P2RX7: variants seen among roughly 807,000 people sequenced by gnomAD.
The protein encoded by P2RX7 is purinergic receptor P2X 7.
Under a neutral mutation model 71.6 loss-of-function variants are expected in P2RX7, and 62 were observed. The ratio of observed to expected loss-of-function variants is 0.87; its 90% CI spans 0.71 to 1.07. The LOEUF (loss-of-function observed/expected upper bound fraction) is 1.07. Ranked by LOEUF, P2RX7 falls within the 50% of genes least tolerant of loss-of-function variation. The probability of loss-of-function intolerance (pLI) is 0.00; values close to 1 mark genes in which losing one functional copy is unlikely to be tolerated. For missense variants in P2RX7, 686 were observed against 748.5 expected (o/e 0.92, Z 0.97); for synonymous variants, 299 against 283.3 (o/e 1.06, Z -0.56).
At chr12:121,178,184 C>A (rs796720009) in intron 11 of P2RX7, among the ~76,000 whole-genome samples, 3 of 152,196 alleles carry the variant, frequency 2.0e-5, no homozygotes, top group South Asian at 2.1e-4. Context: ...ACATGAGTAC[C>A]CGCAGTACAT....
At chr12:121,164,554 G>A (rs538789756) in intron 5 of P2RX7, among the ~76,000 whole-genome samples, 1 of 152,312 alleles carries the variant, frequency 6.6e-6, no homozygotes, top group South Asian at 2.1e-4. Flanking sequence ...GCTGAGGCAG[G>A]CGGATCACTT....
chr12:121,151,935 C>T (rs1320386956), intron 1 of P2RX7, among the ~76,000 whole-genome samples: 1 of 152,128 alleles, frequency 6.6e-6, no homozygotes, highest in African/African-American at 2.4e-5. Context: ...ACGAGCTACC[C>T]ACCTACTTGG....
In P2RX7 at chr12:121,185,746, A is replaced by C. The variant is rs539649642; in HGVS notation, c.*944A>C. 1 of 152,618 alleles carries C rather than the reference A, an allele frequency of 6.6e-6. No individual in the cohort carries two copies. Among genetic ancestry groups the C allele is most frequent in the Admixed American group, 6.5e-5 (1 of 15,294 alleles). 9.5% of individuals were successfully genotyped at this position (152,618 alleles called of 1,614,324 possible). A position where few individuals can be genotyped will look rare whatever the true frequency, so the allele number is the denominator to read the frequency against. On this transcript the variant is annotated 3_prime_UTR_variant, in exon 13 of 13. Coordinates refer to ENST00000328963, the MANE Select transcript of P2RX7 (RefSeq NM_002562.6). ...TGGAACTCTTGCTATCGGGGAAGCC[A>C]GACGCCATTTAAAAGTCTGCCTATC... is the stretch of plus-strand genomic sequence containing the variant.
At chr12:121,139,946 G>A (rs1430995170) in intron 1 of P2RX7, among the ~76,000 whole-genome samples, 1 of 152,112 alleles carries the variant, frequency 6.6e-6, no homozygotes, top group African/African-American at 2.4e-5. Flanking sequence ...TGGCTAGGCT[G>A]GTCTCGAACT....
chr12:121,165,962 G>A (rs1234771499), intron 6 of P2RX7, 96 bp from the exon 7 acceptor site: 8 of 1,337,586 alleles, frequency 6.0e-6, no homozygotes, highest in Non-Finnish European at 8.2e-6. Context: ...GGGCTTTCAT[G>A]GAACCTCTCC....
chr12:121,172,584 T>C (rs1882407312), intron 8 of P2RX7, among the ~76,000 whole-genome samples: 1 of 152,150 alleles, frequency 6.6e-6, no homozygotes, highest in South Asian at 2.1e-4. Flanking sequence ...TGAGCTGTGT[T>C]CAAGCCACTG....
chr12:121,167,368 T>C (rs1035124118), intron 7 of P2RX7, 120 bp from the exon 8 acceptor site: 17 of 1,155,552 alleles, frequency 1.5e-5, no homozygotes, highest in Non-Finnish European at 2.1e-5. Context: ...TACATATGGT[T>C]CTTCAATCAG....
chr12:121,147,906 C>G (rs1876559095), intron 1 of P2RX7, among the ~76,000 whole-genome samples: 1 of 151,870 alleles, frequency 6.6e-6, no homozygotes, highest in African/African-American at 2.4e-5. Flanking sequence ...AGCCACCGAG[C>G]CCAGCCAAAA....
chr12:121,183,521 A>G (rs1192241850), intron 12 of P2RX7, among the ~76,000 whole-genome samples: 1 of 151,494 alleles, frequency 6.6e-6, no homozygotes, highest in Non-Finnish European at 1.5e-5. Flanking sequence ...CAGTAAGCCA[A>G]GATCATGCCA....
chr12:121,155,000 G>C lies in P2RX7; in HGVS notation c.294+47G>C, dbSNP rs746041714. Reference sequence around the variant, plus strand: ...CCCAGGCTCGTCGCTGGTCACCGTCGCCAGGGCCTAGCTCCCTTCCCCTAG... The same window carrying C: ...CCCAGGCTCGTCGCTGGTCACCGTCCCCAGGGCCTAGCTCCCTTCCCCTAG... On this transcript the variant is annotated intron_variant, in intron 2 of 12. Transcript: ENST00000328963. This position sits in a 1 kb window ranked among gnomAD's most constrained non-coding sequence, Gnocchi z 4.2. 1.9e-6 allele frequency: 3 copies of C among 1,606,990 alleles called. No individual in the cohort carries two copies. The highest frequency in any genetic ancestry group is 2.2e-5 in the East Asian group (1 of 44,848).
At chr12:121,174,073 AGTCTTGCTCTGTCACCCAGGC>A (rs1882670633) in intron 8 of P2RX7, among the ~76,000 whole-genome samples, 2 of 116,416 alleles carry the variant, frequency 1.7e-5, no homozygotes, top group African/African-American at 6.8e-5. Flanking sequence ...TTTTTGAGAC[AGTCTTGCTCTGTCACCCAGGC>A]TAGAGCGCAG....
At chr12:121,162,978 G>C (rs1165338604) in intron 5 of P2RX7, among the ~76,000 whole-genome samples, 8 of 144,574 alleles carry the variant, frequency 5.5e-5, no homozygotes, top group East Asian at 3.9e-4. Context: ...GGTAAAAGAG[G>C]GGGGGAAGGA....
chr12:121,134,662 G>A (rs1273554563), intron 1 of P2RX7, among the ~76,000 whole-genome samples: 1 of 152,190 alleles, frequency 6.6e-6, no homozygotes, highest in African/African-American at 2.4e-5. Context: ...AAAGTGCTGG[G>A]ATTACAGGCA....
intron 4 of P2RX7, among the ~76,000 whole-genome samples, chr12:121,161,224 G>A (rs948960393): frequency 6.6e-6 from 1 of 152,090 alleles, no homozygotes; most frequent in Non-Finnish European, 1.5e-5. Flanking sequence ...GATTCTAATC[G>A]GTAGAAAATT....
At chr12:121,179,921 G>A (rs1214039658) in intron 11 of P2RX7, among the ~76,000 whole-genome samples, 10 of 151,650 alleles carry the variant, frequency 6.6e-5, no homozygotes, top group African/African-American at 2.4e-4. Context: ...AGGCCAAGGC[G>A]GGCGGATCAA....
chr12:121,177,863 G>T (rs1003762198), intron 11 of P2RX7, among the ~76,000 whole-genome samples: 1 of 151,644 alleles, frequency 6.6e-6, no homozygotes, highest in African/African-American at 2.4e-5. Flanking sequence ...GGACTACAGG[G>T]GCACACCACC....
intron 1 of P2RX7, among the ~76,000 whole-genome samples, chr12:121,137,078 A>T (rs1399995188): frequency 6.6e-6 from 1 of 152,158 alleles, no homozygotes; most frequent in Admixed American, 6.5e-5. Flanking sequence ...AACTCCCTCA[A>T]ATTCAGTTAT....
chr12:121,137,043 G>T (rs1592990291), intron 1 of P2RX7, among the ~76,000 whole-genome samples: 1 of 152,106 alleles, frequency 6.6e-6, no homozygotes, highest in African/African-American at 2.4e-5. Flanking sequence ...CTTTCACATG[G>T]TGAAATCATA....
chr12:121,182,179 T>C (rs963888350), intron 12 of P2RX7, among the ~76,000 whole-genome samples: 1 of 152,220 alleles, frequency 6.6e-6, no homozygotes, highest in Non-Finnish European at 1.5e-5. Flanking sequence ...AAACTTGCAT[T>C]CCTGAAGTAA....
Sources: allele counts gnomAD v4.1 joint callset (sites outside exome capture counted in the v4.1 genomes callset), GRCh38; gene constraint gnomAD v4.1.1; non-coding constraint Gnocchi (gnomAD v3.1); transcripts MANE v1.5; gene names NCBI Gene and HGNC (gene_info 2026-07-23, HGNC 2026-07-21).